The following RSAD2 variants were observed in gnomAD, a reference collection of about 807,000 sequenced individuals.
RSAD2 encodes radical S-adenosyl methionine domain containing 2.
Under a neutral mutation model 37.7 loss-of-function variants are expected in RSAD2, and 38 were observed. The ratio of observed to expected loss-of-function variants is 1.01; its 90% CI spans 0.78 to 1.32. The LOEUF (loss-of-function observed/expected upper bound fraction) is 1.32. Ranked by LOEUF, RSAD2 falls within the 40% of genes most tolerant of loss-of-function variation. The pLI, the probability that RSAD2 is intolerant of heterozygous loss-of-function variation, is 0.00. For synonymous variants in RSAD2, 163 were observed against 157.4 expected, an observed-to-expected ratio of 1.04 and a Z score of -0.27; for missense variants, 428 against 437.5, an observed-to-expected ratio of 0.98 and a Z score of 0.19.
chr2:6,876,417 G>A (rs1663282144), upstream of RSAD2, among the ~76,000 whole-genome samples: 1 of 152,166 alleles, frequency 6.6e-6, no homozygotes, highest in Non-Finnish European at 1.5e-5. Context: ...GGTTGCTCCA[G>A]CCAGAAAGGG....
chr2:6,893,539 C>T, intron 4 of RSAD2, 132 bp from the exon 5 acceptor site: 1 of 744,780 alleles, frequency 1.3e-6, no homozygotes. Flanking sequence ...AGGGCCATGC[C>T]AAAGGCAACT....
intron 2 of RSAD2, among the ~76,000 whole-genome samples, chr2:6,886,327 A>G (rs1032732317): frequency 6.6e-6 from 1 of 152,220 alleles, no homozygotes; most frequent in Non-Finnish European, 1.5e-5. Context: ...AGCTCTTCAC[A>G]TACCATGTTG....
At chr2:6,867,488 G>A (rs1285925091) in intron 1 of RSAD2, among the ~76,000 whole-genome samples, 1 of 152,144 alleles carries the variant, frequency 6.6e-6, no homozygotes, top group East Asian at 1.9e-4. Context: ...CCTATTGAAA[G>A]CCTTATTTTG....
intron 1 of RSAD2, among the ~76,000 whole-genome samples, chr2:6,879,259 G>A (rs1572154294): frequency 2.6e-5 from 4 of 152,140 alleles, no homozygotes; most frequent in East Asian, 3.9e-4. Flanking sequence ...CAGGATTACT[G>A]TAATTCAACT....
intron 1 of RSAD2, among the ~76,000 whole-genome samples, chr2:6,878,354 T>A (rs1187310450): frequency 2.6e-5 from 4 of 152,154 alleles, no homozygotes; most frequent in African/African-American, 9.7e-5. Context: ...AATCACAGAA[T>A]TGGGCTGGAA....
chr2:6,883,332 A>AT (rs1558335456), intron 1 of RSAD2, 39 bp from the exon 2 acceptor site: 3 of 1,588,102 alleles, frequency 1.9e-6, no homozygotes, highest in South Asian at 2.3e-5. Context: ...AATAATGTAT[A>AT]TTTGTGAAGT....
rs1036717335 is a variant in RSAD2 at position 6,896,851 on chromosome 2, A to G, written c.*909A>G. On this transcript the variant is annotated 3_prime_UTR_variant, in exon 6 of 6. Transcript: ENST00000382040. ...AGTGCTTGCATTGCTTTGTTCGCCT[A>G]TCATCTGGCCACATGAGGCTGTCAA... The G allele has an allele frequency of 1.3e-5, 2 of 152,160 alleles. No individual in the cohort carries two copies. The highest frequency in any genetic ancestry group is 4.8e-5 in the African/African-American group (2 of 41,430). 9.4% of individuals were successfully genotyped at this position (152,160 alleles called of 1,614,324 possible).
At chr2:6,885,406 T>C (rs1238058266) in intron 2 of RSAD2, among the ~76,000 whole-genome samples, 1 of 152,212 alleles carries the variant, frequency 6.6e-6, no homozygotes, top group African/African-American at 2.4e-5. Flanking sequence ...AAATCATGGA[T>C]CTTGTTAAAC....
chr2:6,869,694 G>T (rs973393808), intron 1 of RSAD2, among the ~76,000 whole-genome samples: 1 of 152,268 alleles, frequency 6.6e-6, no homozygotes, highest in South Asian at 2.1e-4. Context: ...CAGAGGAAAA[G>T]ATACTTAATA....
chr2:6,870,387 T>C (rs1442359976), intron 1 of RSAD2, among the ~76,000 whole-genome samples: 1 of 152,210 alleles, frequency 6.6e-6, no homozygotes, highest in Non-Finnish European at 1.5e-5. Context: ...TGATATTTCA[T>C]TTCATGCATG....
upstream of RSAD2, chr2:6,876,882 C>T (rs978414462): frequency 6.6e-6 from 1 of 152,112 alleles, no homozygotes; most frequent in Non-Finnish European, 1.5e-5. Flanking sequence ...GAAATAAAGT[C>T]GCTTACTCAG....
At chr2:6,888,130 A>G (rs1663559278) in intron 3 of RSAD2, among the ~76,000 whole-genome samples, 1 of 152,212 alleles carries the variant, frequency 6.6e-6, no homozygotes, top group Non-Finnish European at 1.5e-5. Flanking sequence ...CCTGCACAAA[A>G]AACAGCTTTT....
chr2:6,883,464 T>TGCA lies in RSAD2; in HGVS notation c.442_443insAGC (p.Leu147_Arg148insGln). 1 of 1,614,164 alleles carries TGCA rather than the reference T, an allele frequency of 6.2e-7. No individual in the cohort carries two copies. Among genetic ancestry groups the TGCA allele is most frequent in the Non-Finnish European group, 8.5e-7 (1 of 1,180,028 alleles). ...TTGGTGAGGTTCTGCAAAGTAGAGT[T>TGCA]GCGGCTGCCCAGCGTGAGCATCGTG... On this transcript the variant is annotated inframe_insertion, in exon 2 of 6. Coordinates refer to ENST00000382040, the MANE Select transcript of RSAD2 (RefSeq NM_080657.5).
intron 3 of RSAD2, among the ~76,000 whole-genome samples, chr2:6,889,355 A>T (rs561367958): frequency 7.2e-5 from 11 of 152,338 alleles, no homozygotes; most frequent in African/African-American, 2.6e-4. Flanking sequence ...GGAGGCAGAT[A>T]TCAAAAGACC....
upstream of RSAD2, chr2:6,876,806 A>C (rs1397867096): frequency 1.3e-5 from 2 of 152,224 alleles, no homozygotes; most frequent in Non-Finnish European, 2.9e-5. Flanking sequence ...AAAAATTAGC[A>C]GTTTTACTCT....
chr2:6,895,933 G>A lies in RSAD2; in HGVS notation c.1077G>A (p.Leu359=). 6.2e-7 allele frequency: 1 copy of A among 1,613,570 alleles called. No individual in the cohort carries two copies. The highest frequency in any genetic ancestry group is 8.5e-7 in the Non-Finnish European group (1 of 1,179,618). The change falls in exon 6 of 6, where the codon CTG becomes CTA. Residue 359 remains leucine (L), a synonymous_variant. Coordinates refer to ENST00000382040, the MANE Select transcript of RSAD2 (RefSeq NM_080657.5). ...KYIWSKADLK[L]DW is the part of the protein sequence containing the mutation. ...TATGGAGTAAGGCTGATCTGAAGCT[G>A]GATTGGTAGAGCGGAAAGTGGAACG...
intron 1 of RSAD2, chr2:6,866,297 G>A (rs1012608509): frequency 7.9e-6 from 3 of 378,194 alleles, no homozygotes; most frequent in African/African-American, 6.6e-5. Flanking sequence ...ACGCGTCCCC[G>A]CCCCTCTAAT....
Position 6,882,660 on chromosome 2 carries a change from T to C in RSAD2, c.347-711T>C, listed in dbSNP as rs548107286. ...TGATTTGAGATTGAGGCCTTCCAGG[T>C]GGCCAGACAGTGAATAGAGAGAGAT... On this transcript the variant is annotated intron_variant, in intron 1 of 5. Coordinates refer to ENST00000382040, the MANE Select transcript of RSAD2 (RefSeq NM_080657.5). 2.6e-5 allele frequency among the ~76,000 whole-genome samples: 4 copies of C among 152,264 alleles called. No homozygotes were observed. In the East Asian group the frequency reaches 5.8e-4, roughly 22 times the overall value.
chr2:6,894,566 A>G (rs1489621717), intron 5 of RSAD2, among the ~76,000 whole-genome samples: 2 of 152,162 alleles, frequency 1.3e-5, no homozygotes, highest in African/African-American at 4.8e-5. Flanking sequence ...ACCTGGGCTC[A>G]GGTGATCCTT....
Sources: allele counts gnomAD v4.1 joint callset (sites outside exome capture counted in the v4.1 genomes callset), GRCh38; gene constraint gnomAD v4.1.1; transcripts MANE v1.5; gene names NCBI Gene and HGNC (gene_info 2026-07-23, HGNC 2026-07-21).